The following RB1 variants were observed in gnomAD, a reference collection of about 807,000 sequenced individuals.
The protein encoded by RB1 is RB transcriptional corepressor 1, also known as retinoblastoma-associated protein.
In RB1, 18 loss-of-function variants were observed where a neutral mutation model predicts 135.4. The ratio of observed to expected loss-of-function variants is 0.13; its 90% CI spans 0.09 to 0.20. RB1 has a LOEUF of 0.20. RB1 is among the 10% of genes least tolerant of loss of function. RB1 has a pLI of 1.00. For synonymous variants in RB1, 365 were observed against 373.2 expected (o/e 0.98, Z 0.25); for missense variants, 868 against 1,110.0 (o/e 0.78, Z 3.10).
At chr13:48,451,813 G>A (rs1949329271) in intron 17 of RB1, among the ~76,000 whole-genome samples, 1 of 151,384 alleles carries the variant, frequency 6.6e-6, no homozygotes, top group Non-Finnish European at 1.5e-5. Context: ...TCTACTTAGG[G>A]ATTTGATTTC....
chr13:48,479,073 C>A (rs1378413178), intron 26 of RB1, among the ~76,000 whole-genome samples: 1 of 151,860 alleles, frequency 6.6e-6, no homozygotes, highest in South Asian at 2.1e-4. Context: ...CAAAAAAATC[C>A]AAAAATTAGC....
At chr13:48,461,872 G>A (rs968076104) in intron 20 of RB1, among the ~76,000 whole-genome samples, 12 of 151,692 alleles carry the variant, frequency 7.9e-5, no homozygotes, top group African/African-American at 1.7e-4. Flanking sequence ...TTGCTCTGTC[G>A]CCCAGGCTAG....
At chr13:48,315,146 G>C (rs536244835) in intron 2 of RB1, among the ~76,000 whole-genome samples, 99 of 152,186 alleles carry the variant, frequency 6.5e-4, no homozygotes, top group African/African-American at 2.4e-3. Flanking sequence ...CCATTTTAAT[G>C]ATATTGATTC....
At chr13:48,409,790 A>G (rs1948776606) in intron 17 of RB1, among the ~76,000 whole-genome samples, 1 of 151,918 alleles carries the variant, frequency 6.6e-6, no homozygotes, top group South Asian at 2.1e-4. Flanking sequence ...CATGTTGGCC[A>G]GGAGGGTCTT....
chr13:48,441,482 A>T (rs1949236388), intron 17 of RB1, among the ~76,000 whole-genome samples: 1 of 152,214 alleles, frequency 6.6e-6, no homozygotes, highest in Non-Finnish European at 1.5e-5. Context: ...ACTAGCTAAT[A>T]AGCCTACTCC....
At position 48,376,914 on chromosome 13, in the gene RB1, A is replaced by T. The variant is rs763895695; in HGVS notation, c.1216-4A>T. On this transcript the variant is annotated splice_region_variant and splice_polypyrimidine_tract_variant and intron_variant, in intron 12 of 26. Coordinates refer to ENST00000267163, the MANE Select transcript of RB1 (RefSeq NM_000321.3). ...ACATTGATTTCTGTTTTTACCTCCT[A>T]AAGAACTGCACAGTGAATCCAAAAG... 2 of 1,613,408 alleles carry T rather than the reference A, an allele frequency of 1.2e-6. No homozygotes were observed. Among genetic ancestry groups the T allele is most frequent in the African/African-American group, 2.7e-5 (2 of 74,896 alleles).
At chr13:48,423,534 A>T (rs564322573) in intron 17 of RB1, among the ~76,000 whole-genome samples, 89 of 152,244 alleles carry the variant, frequency 5.8e-4, no homozygotes, top group African/African-American at 2.0e-3. Flanking sequence ...TAAAAGACCT[A>T]TTTTTTTCCA....
intron 17 of RB1, among the ~76,000 whole-genome samples, chr13:48,443,678 G>C (rs763663790): frequency 6.6e-5 from 10 of 152,166 alleles, no homozygotes; most frequent in Non-Finnish European, 1.5e-4. Context: ...TGTCAGTTTA[G>C]TGTTCAGGGC....
chr13:48,381,183 CA>C lies in RB1; in HGVS notation c.1499-57del, dbSNP rs11351399. Reference sequence around the variant, plus strand: ...GTTTTCTTTGTCTGATAATAACTTCCAAAAAAATACCTAGCTCAAGGGTTAA... The same window carrying C: ...GTTTTCTTTGTCTGATAATAACTTCCAAAAAATACCTAGCTCAAGGGTTAA... On this transcript the variant is annotated intron_variant, in intron 16 of 26. Coordinates refer to ENST00000267163, the MANE Select transcript of RB1 (RefSeq NM_000321.3). 6.7e-3 allele frequency: 10,181 copies of C among 1,513,980 alleles called. 383 individuals are homozygous for C. The African/African-American group carries it at 0.1, about 15-fold the overall frequency. 93.8% of individuals were successfully genotyped at this position (1,513,980 alleles called of 1,614,324 possible).
At chr13:48,313,574 TA>T (rs1209640713) in intron 2 of RB1, among the ~76,000 whole-genome samples, 1 of 150,854 alleles carries the variant, frequency 6.6e-6, no homozygotes. Flanking sequence ...GGAAGAGGTC[TA>T]ACTCCAGTCT....
chr13:48,390,464 G>C (rs1948602052), intron 17 of RB1, among the ~76,000 whole-genome samples: 1 of 152,140 alleles, frequency 6.6e-6, no homozygotes, highest in African/African-American at 2.4e-5. Context: ...ATGTAGCAAG[G>C]AGGAATGTGA....
chr13:48,306,040 C>T (rs1348520428), intron 1 of RB1, among the ~76,000 whole-genome samples: 2 of 151,946 alleles, frequency 1.3e-5, no homozygotes, highest in Non-Finnish European at 2.9e-5. Context: ...GAGGCTGAGG[C>T]AGGAGGATCA....
intron 18 of RB1, among the ~76,000 whole-genome samples, chr13:48,455,774 T>C (rs1697411180): frequency 6.6e-6 from 1 of 152,142 alleles, no homozygotes; most frequent in South Asian, 2.1e-4. Context: ...GTAATTTAGG[T>C]GTGTGTAAAT....
intron 7 of RB1, among the ~76,000 whole-genome samples, chr13:48,361,246 T>G (rs1055650999): frequency 1.3e-5 from 2 of 152,130 alleles, no homozygotes; most frequent in Non-Finnish European, 2.9e-5. Context: ...TTTGGATAAT[T>G]CAAATGTACA....
chr13:48,474,173 T>C (rs553220601), intron 24 of RB1, among the ~76,000 whole-genome samples: 5 of 152,176 alleles, frequency 3.3e-5, no homozygotes, highest in Non-Finnish European at 7.3e-5. Flanking sequence ...AACCTTATTG[T>C]TGAGGGGTTT....
At chr13:48,455,051 C>A (rs138857405) in intron 18 of RB1, among the ~76,000 whole-genome samples, 1 of 152,050 alleles carries the variant, frequency 6.6e-6, no homozygotes, top group Non-Finnish European at 1.5e-5. Flanking sequence ...TTCTGTAGTT[C>A]AGATGAGGGA....
At chr13:48,417,615 T>C (rs1948935426) in intron 17 of RB1, among the ~76,000 whole-genome samples, 3 of 151,968 alleles carry the variant, frequency 2.0e-5, no homozygotes, top group African/African-American at 7.3e-5. Context: ...TCTAACCCAA[T>C]GCAAGGAAGC....
chr13:48,454,980 G>A (rs147162374), intron 18 of RB1, among the ~76,000 whole-genome samples: 1 of 152,334 alleles, frequency 6.6e-6, no homozygotes, highest in African/African-American at 2.4e-5. Context: ...TGAAGTACAG[G>A]TGGGTTTGGA....
intron 8 of RB1, among the ~76,000 whole-genome samples, chr13:48,363,706 C>T (rs774282398): frequency 6.6e-6 from 1 of 152,188 alleles, no homozygotes; most frequent in Non-Finnish European, 1.5e-5. Context: ...ATAATGACTG[C>T]TGGAGAATAC....
Sources: gnomAD v4.1 joint callset for allele counts (sites outside exome capture counted in the v4.1 genomes callset) on GRCh38, gnomAD v4.1.1 for gene constraint, MANE v1.5 for transcripts, NCBI Gene and HGNC (gene_info 2026-07-23, HGNC 2026-07-21) for gene names.